Variants in MAP2K5 observed in about 807,000 individuals in gnomAD.
MAP2K5 encodes the protein mitogen-activated protein kinase kinase 5.
Under a neutral mutation model 83.1 loss-of-function variants are expected in MAP2K5, and 49 were observed. The observed-to-expected ratio is 0.59, with a 90% CI of 0.47 to 0.75. The LOEUF (loss-of-function observed/expected upper bound fraction) is 0.75, where lower values mean the gene tolerates loss of function less well. Among genes scored for constraint, MAP2K5 ranks in the 30% least tolerant of loss-of-function variants. The pLI, the probability that MAP2K5 is intolerant of heterozygous loss-of-function variation, is 0.00. For synonymous variants in MAP2K5, 202 were observed against 191.8 expected (o/e 1.05, Z -0.44); for missense variants, 457 against 557.5 (o/e 0.82, Z 1.82).
At position 67,638,641 on chromosome 15, in the gene MAP2K5, T is replaced by C. The variant is rs1022760924; in HGVS notation, c.586-7590T>C. Among the ~76,000 whole-genome samples the C allele has an allele frequency of 1.3e-5, 2 of 152,226 alleles. No individual in the cohort carries two copies. Among genetic ancestry groups the C allele is most frequent in the African/African-American group, 4.8e-5 (2 of 41,460 alleles). ...TTTCTGTTTTTAGGACTTTGAGGAA[T>C]CACTGCACTGTCTTCCACAATGGTT... On this transcript the variant is annotated intron_variant, in intron 9 of 21. Coordinates refer to ENST00000178640, the MANE Select transcript of MAP2K5 (RefSeq NM_145160.3). This position sits in a 1 kb window ranked among gnomAD's most constrained non-coding sequence, Gnocchi z 4.5.
rs2084328895 is a variant in MAP2K5, at chr15:67,543,200, C to T, written c.-136C>T. 2.3e-6 allele frequency: 2 copies of T among 869,194 alleles called. No individual in the cohort carries two copies. The highest frequency in any genetic ancestry group is 1.8e-6 in the Non-Finnish European group (1 of 541,250). The allele number at this position is 869,194 out of a possible 1,614,324, so 53.8% of individuals were successfully genotyped here. A position where few individuals can be genotyped will look rare whatever the true frequency, so the allele number is the denominator to read the frequency against. On this transcript the variant is annotated 5_prime_UTR_variant, in exon 1 of 22. Coordinates refer to ENST00000178640, the MANE Select transcript of MAP2K5 (RefSeq NM_145160.3). This position sits in a 1 kb window ranked among gnomAD's most constrained non-coding sequence, Gnocchi z 4.3. ...CCTGATCACCCCTCCCCTCTTCCCT[C>T]CCCCTCATCCTCCATTCCCTTGTTT...
intron 21 of MAP2K5, among the ~76,000 whole-genome samples, chr15:67,804,715 G>A (rs1479628083): frequency 6.6e-6 from 1 of 152,172 alleles, no homozygotes; most frequent in Non-Finnish European, 1.5e-5. Context: ...GTGTTACCCC[G>A]GGCGTGGGGG....
intron 19 of MAP2K5, among the ~76,000 whole-genome samples, chr15:67,754,439 A>G (rs1002895753): frequency 6.6e-5 from 10 of 152,172 alleles, no homozygotes; most frequent in Admixed American, 6.5e-4. Context: ...TATTTACTTC[A>G]AGGGACATTT....
At chr15:67,602,138 G>A (rs995090850) in intron 8 of MAP2K5, among the ~76,000 whole-genome samples, 9 of 152,170 alleles carry the variant, frequency 5.9e-5, no homozygotes, top group South Asian at 2.1e-4. Flanking sequence ...TCATACTAGC[G>A]TTCCTTCCCA....
rs1228847192 is a variant in MAP2K5, at chr15:67,552,471, GTT to G, written c.184+2390_184+2391del. The stretch of plus-strand genomic sequence containing the variant: ...TTTTTTTGAGACAGAGTATTGCTCT[GTT>G]GCCCAGGCTGGAGTGCAGTGACATG... On this transcript the variant is annotated intron_variant, in intron 2 of 21. Transcript: ENST00000178640. This position sits in a 1 kb window ranked among gnomAD's most constrained non-coding sequence, Gnocchi z 4.2. Among the ~76,000 whole-genome samples, 1 of 152,086 alleles carries G rather than the reference GTT, an allele frequency of 6.6e-6. No homozygotes were observed. The highest frequency in any genetic ancestry group is 2.4e-5 in the African/African-American group (1 of 41,400).
intron 3 of MAP2K5, among the ~76,000 whole-genome samples, chr15:67,564,418 T>C (rs111981804): frequency 4.0e-4 from 61 of 152,210 alleles, no homozygotes; most frequent in African/African-American, 1.4e-3. Flanking sequence ...AACAGTTAGG[T>C]TGTAGGTTTT....
chr15:67,694,486 G>A (rs2088195779), intron 15 of MAP2K5, among the ~76,000 whole-genome samples: 1 of 151,952 alleles, frequency 6.6e-6, no homozygotes, highest in Non-Finnish European at 1.5e-5. Flanking sequence ...AAGATTTAGG[G>A]ATGGAAAAAA....
intron 2 of MAP2K5, among the ~76,000 whole-genome samples, chr15:67,550,376 C>T (rs200771728): frequency 1.2e-4 from 18 of 152,160 alleles, no homozygotes; most frequent in South Asian, 4.1e-4. Context: ...CAAAATGAAA[C>T]GTGTAAACTA....
chr15:67,549,146 A>C, intron 1 of MAP2K5: 1 of 1,535,590 alleles, frequency 6.5e-7, no homozygotes, highest in Non-Finnish European at 8.7e-7. Context: ...CCTGGAGAGA[A>C]ATGAGGTTTG....
intron 8 of MAP2K5, chr15:67,628,263 C>T (rs556620191): frequency 1.6e-5 from 9 of 572,036 alleles, no homozygotes; most frequent in South Asian, 5.5e-5. Context: ...GGGCAGATCA[C>T]GAGGTCAGGG....
chr15:67,756,714 T>C (rs1283883934), intron 19 of MAP2K5, among the ~76,000 whole-genome samples: 1 of 152,194 alleles, frequency 6.6e-6, no homozygotes, highest in African/African-American at 2.4e-5. Flanking sequence ...AAGCCCCTGG[T>C]AACTACTCTT....
chr15:67,604,294 C>T (rs1304497468), intron 8 of MAP2K5, among the ~76,000 whole-genome samples: 1 of 152,212 alleles, frequency 6.6e-6, no homozygotes, highest in African/African-American at 2.4e-5. Flanking sequence ...AAGTATGGCC[C>T]AAGCCTAGGA....
intron 17 of MAP2K5, among the ~76,000 whole-genome samples, chr15:67,744,709 G>T (rs1205542657): frequency 6.6e-6 from 1 of 152,184 alleles, no homozygotes; most frequent in African/African-American, 2.4e-5. Flanking sequence ...TTCCAAAATT[G>T]CTTTTTATCA....
At position 67,573,107 on chromosome 15, in the gene MAP2K5, C is replaced by T. The variant is rs987328537; in HGVS notation, c.253-7647C>T. ...TTAGTAAACGTTATCAATCTGTTCC[C>T]TTAATCATAAATAGCTAGAGCCTAG... On this transcript the variant is annotated intron_variant, in intron 3 of 21. Transcript: ENST00000178640. The surrounding 1 kb of genome is among the most constrained non-coding windows in gnomAD (Gnocchi z 4.2). Among the ~76,000 whole-genome samples the T allele has an allele frequency of 1.1e-4, 17 of 152,106 alleles. No individual in the cohort carries two copies. The highest frequency in any genetic ancestry group is 4.1e-4 in the African/African-American group (17 of 41,416).
At position 67,550,058 on chromosome 15, in the gene MAP2K5, G is replaced by A; in HGVS notation, c.160G>A (p.Glu54Lys). The change falls in exon 2 of 22, where the codon GAA becomes AAA. Residue 54 changes from glutamate (E) to lysine (K), a missense_variant. Glu to Lys is a moderately conservative substitution (Grantham distance 56). Coordinates refer to ENST00000178640, the MANE Select transcript of MAP2K5 (RefSeq NM_145160.3). The stretch of plus-strand genomic sequence containing the variant: ...GGATGTGATAGGCCAGGTTCTGCCT[G>A]AAGCAACAACTACAGCATTTGAATG... Reference protein sequence around the residue: ...VLDVIGQVLPEATTTAFEYED... With the variant: ...VLDVIGQVLPKATTTAFEYED... 15 of 1,613,734 alleles carry A rather than the reference G, an allele frequency of 9.3e-6. No individual in the cohort carries two copies. The highest frequency in any genetic ancestry group is 1.3e-5 in the Non-Finnish European group (15 of 1,179,706).
In MAP2K5 at chr15:67,645,597, A is replaced by G. The variant is rs192201339; in HGVS notation, c.586-634A>G. Among the ~76,000 whole-genome samples the G allele has an allele frequency of 4.5e-4, 69 of 152,216 alleles. No individual in the cohort carries two copies. In the East Asian group the frequency reaches 0.012, roughly 27 times the overall value. On this transcript the variant is annotated intron_variant, in intron 9 of 21. Transcript: ENST00000178640. ...GAGACAGGATTTCTCTCTTTCACCC[A>G]GGTGGGAGTGCAGAGGTGCAGTCAT...
Position 67,561,155 on chromosome 15 carries a change from C to A in MAP2K5, c.185-2128C>A, listed in dbSNP as rs764280887. Among the ~76,000 whole-genome samples the A allele has an allele frequency of 6.6e-6, 1 of 152,152 alleles. No individual in the cohort carries two copies. The highest frequency in any genetic ancestry group is 1.5e-5 in the Non-Finnish European group (1 of 68,016). On this transcript the variant is annotated intron_variant, in intron 2 of 21. Coordinates refer to ENST00000178640, the MANE Select transcript of MAP2K5 (RefSeq NM_145160.3). This position sits in a 1 kb window ranked among gnomAD's most constrained non-coding sequence, Gnocchi z 4.2. ...GCCAAGTTCAGAACTTCATAAAGAA[C>A]AAATCAGTTTAGCCTACATTTAAAG...
intron 8 of MAP2K5, among the ~76,000 whole-genome samples, chr15:67,624,388 C>G (rs1365510773): frequency 6.7e-6 from 1 of 148,524 alleles, no homozygotes; most frequent in Non-Finnish European, 1.5e-5. Context: ...TTTGAGCTGG[C>G]AGTGACTTCA....
intron 11 of MAP2K5, among the ~76,000 whole-genome samples, chr15:67,648,934 G>A (rs1007015450): frequency 3.9e-5 from 6 of 152,176 alleles, no homozygotes; most frequent in Admixed American, 1.3e-4. Context: ...AGGTCATATG[G>A]TAGCTTTATG....
Sources: gnomAD v4.1 joint callset for allele counts (sites outside exome capture counted in the v4.1 genomes callset) on GRCh38, gnomAD v4.1.1 for gene constraint, Gnocchi (gnomAD v3.1) non-coding constraint, MANE v1.5 for transcripts, NCBI Gene and HGNC (gene_info 2026-07-23, HGNC 2026-07-21) for gene names.